Variants in GRM7 observed in about 807,000 individuals in gnomAD.
The protein encoded by GRM7 is glutamate metabotropic receptor 7, also known as metabotropic glutamate receptor 7.
GRM7 carries 35 observed loss-of-function variants against 84.5 expected under a neutral mutation model. That is an observed-to-expected ratio of 0.41 (90% CI 0.32 to 0.55). The LOEUF is 0.55. Among genes scored for constraint, GRM7 ranks in the 20% least tolerant of loss-of-function variants. The probability of loss-of-function intolerance (pLI) is 0.19; values close to 1 mark genes in which losing one functional copy is unlikely to be tolerated. For missense variants in GRM7, 1,003 were observed against 1,194.6 expected (o/e 0.84, Z 2.36); for synonymous variants, 487 against 455.1 (o/e 1.07, Z -0.89).
rs149332691 is a variant in GRM7, at chr3:7,484,979, G to A, written c.1515+23257G>A. On this transcript the variant is annotated intron_variant, in intron 7 of 9. Coordinates refer to ENST00000357716, the MANE Select transcript of GRM7 (RefSeq NM_000844.4). The stretch of plus-strand genomic sequence containing the variant: ...GAAGTTAGCTGCCAGATTGTGACTT[G>A]CCCTATGGAGAGATCTGCATGGCAA... Among the ~76,000 whole-genome samples, 35 of 152,246 alleles carry A rather than the reference G, an allele frequency of 2.3e-4. No individual in the cohort carries two copies. The East Asian group carries it at 4.5e-3, about 19-fold the overall frequency.
chr3:7,190,659 A>T (rs1041697408), intron 2 of GRM7, among the ~76,000 whole-genome samples: 1 of 152,114 alleles, frequency 6.6e-6, no homozygotes, highest in Non-Finnish European at 1.5e-5. Context: ...TTTTGCAAGC[A>T]CATTACTGTT....
At chr3:7,465,734 A>G (rs967789818) in intron 7 of GRM7, among the ~76,000 whole-genome samples, 1 of 152,096 alleles carries the variant, frequency 6.6e-6, no homozygotes, top group African/African-American at 2.4e-5. Context: ...CATCTCAAGC[A>G]AATGAAATTT....
At chr3:7,503,548 C>A (rs747101594) in intron 7 of GRM7, among the ~76,000 whole-genome samples, 1 of 152,130 alleles carries the variant, frequency 6.6e-6, no homozygotes, top group Non-Finnish European at 1.5e-5. Context: ...CTTTTCAAAT[C>A]GATTCTGCTG....
chr3:7,499,319 T>C (rs903751168), intron 7 of GRM7, among the ~76,000 whole-genome samples: 6 of 152,270 alleles, frequency 3.9e-5, no homozygotes, highest in Admixed American at 1.3e-4. Context: ...CAATGTTCTG[T>C]TCCTCTGGGT....
intron 5 of GRM7, among the ~76,000 whole-genome samples, chr3:7,444,804 A>T (rs1475721435): frequency 6.6e-6 from 1 of 152,202 alleles, no homozygotes; most frequent in Non-Finnish European, 1.5e-5. Context: ...GTTTTAAGTG[A>T]AGATGAATAG....
intron 2 of GRM7, among the ~76,000 whole-genome samples, chr3:7,234,727 A>C (rs1575064074): frequency 6.6e-6 from 1 of 152,214 alleles, no homozygotes; most frequent in Non-Finnish European, 1.5e-5. Context: ...TTAGTTTAAA[A>C]AAAGACTTAA....
At chr3:7,390,143 G>A (rs1432818398) in intron 4 of GRM7, among the ~76,000 whole-genome samples, 3 of 152,030 alleles carry the variant, frequency 2.0e-5, no homozygotes, top group East Asian at 3.9e-4. Context: ...TAAATTCTCA[G>A]CTGGCATTTT....
At chr3:7,475,985 A>G (rs1214700447) in intron 7 of GRM7, among the ~76,000 whole-genome samples, 4 of 152,176 alleles carry the variant, frequency 2.6e-5, no homozygotes, top group Non-Finnish European at 1.5e-5. Flanking sequence ...TTCTTTGCCT[A>G]CATTTTATTT....
At chr3:7,314,516 G>A (rs151055095) in intron 4 of GRM7, among the ~76,000 whole-genome samples, 162 of 152,228 alleles carry the variant, frequency 1.1e-3, no homozygotes, top group Admixed American at 2.2e-3. Flanking sequence ...CTTTGCTAAC[G>A]TATGAATTTA....
intron 1 of GRM7, among the ~76,000 whole-genome samples, chr3:7,042,547 G>A (rs1696666722): frequency 6.6e-6 from 1 of 151,978 alleles, no homozygotes; most frequent in African/African-American, 2.4e-5. Context: ...GTGTTTTCTT[G>A]GGTCATTTCT....
chr3:6,862,896 A>G lies in GRM7; in HGVS notation c.519+989A>G. ...GGTGCCGGAGGGAGACGGAGAAAAA[A>G]TGGGAGGAAGGCGGATCCGGGGCCG... On this transcript the variant is annotated intron_variant, in intron 1 of 9. Transcript: ENST00000357716. This position sits in a 1 kb window ranked among gnomAD's most constrained non-coding sequence, Gnocchi z 5.2. 1 of 416,940 alleles carries G rather than the reference A, an allele frequency of 2.4e-6. No homozygotes were observed. Among genetic ancestry groups the G allele is most frequent in the Admixed American group, 2.8e-5 (1 of 36,094 alleles). The allele number at this position is 416,940 out of a possible 1,614,324, so 25.8% of individuals were successfully genotyped here.
intron 8 of GRM7, among the ~76,000 whole-genome samples, chr3:7,581,483 A>C (rs1370866234): frequency 6.6e-6 from 1 of 152,212 alleles, no homozygotes; most frequent in African/African-American, 2.4e-5. Flanking sequence ...ATCCACTTAT[A>C]GGCATATGGC....
At chr3:7,546,918 C>A (rs1027374370) in intron 7 of GRM7, among the ~76,000 whole-genome samples, 6 of 152,132 alleles carry the variant, frequency 3.9e-5, no homozygotes, top group Non-Finnish European at 8.8e-5. Flanking sequence ...AAAAAGCATT[C>A]TTGTTTGCCA....
intron 2 of GRM7, among the ~76,000 whole-genome samples, chr3:7,147,363 G>A (rs1694143862): frequency 6.6e-6 from 1 of 152,116 alleles, no homozygotes; most frequent in African/African-American, 2.4e-5. Flanking sequence ...AAGTATTCAG[G>A]TTTCCCCATA....
intron 1 of GRM7, among the ~76,000 whole-genome samples, chr3:6,889,954 G>A (rs1156454285): frequency 2.6e-5 from 4 of 152,174 alleles, no homozygotes. Context: ...TCCTGGTTTA[G>A]TCTTGGGAGG....
intron 1 of GRM7, among the ~76,000 whole-genome samples, chr3:7,003,269 A>C (rs2124880418): frequency 6.6e-6 from 1 of 152,338 alleles, no homozygotes; most frequent in Middle Eastern, 3.4e-3. Flanking sequence ...ATAAAGGATA[A>C]GTCAGTAAGG....
At chr3:7,308,862 G>T (rs567193608) in intron 4 of GRM7, among the ~76,000 whole-genome samples, 45 of 152,244 alleles carry the variant, frequency 3.0e-4, no homozygotes, top group South Asian at 1.2e-3. Flanking sequence ...AACTTACTGG[G>T]TTATCTCAAA....
rs796285803 is a variant in GRM7 at position 7,284,312 on chromosome 3, GTATA to G, written c.737-14369_737-14366del. 4.5e-3 allele frequency among the ~76,000 whole-genome samples: 346 copies of G among 76,774 alleles called. 3 individuals carry two copies. Among genetic ancestry groups the G allele is most frequent in the Admixed American group, 0.017 (84 of 4,924 alleles). 50.4% of individuals were successfully genotyped at this position (76,774 alleles called of 152,430 possible). On this transcript the variant is annotated intron_variant, in intron 2 of 9. Transcript: ENST00000357716. ...TGTGTGTGTGTGTGTGTGTGTGTGTGTATATACATGAGCTCTCTTGGATCTGCAC... is the reference window on the plus strand; with the variant it reads ...TGTGTGTGTGTGTGTGTGTGTGTGTGTACATGAGCTCTCTTGGATCTGCAC...
chr3:7,136,842 A>T (rs1423891334), intron 1 of GRM7, among the ~76,000 whole-genome samples: 3 of 152,140 alleles, frequency 2.0e-5, no homozygotes, highest in African/African-American at 7.2e-5. Flanking sequence ...AAGGGTAAAT[A>T]CTCTCAAGGA....
Sources: allele counts gnomAD v4.1 joint callset (sites outside exome capture counted in the v4.1 genomes callset), GRCh38; gene constraint gnomAD v4.1.1; non-coding constraint Gnocchi (gnomAD v3.1); transcripts MANE v1.5; gene names NCBI Gene and HGNC (gene_info 2026-07-23, HGNC 2026-07-21).